The following SLC37A1 variants were observed in gnomAD, a reference collection of about 807,000 sequenced individuals.
The protein encoded by SLC37A1 is glucose-6-phosphate exchanger SLC37A1.
Under a neutral mutation model 75.3 loss-of-function variants are expected in SLC37A1, and 49 were observed. The ratio of observed to expected loss-of-function variants is 0.65; its 90% confidence interval spans 0.52 to 0.83. SLC37A1 has a LOEUF of 0.83. SLC37A1 is among the 40% of genes least tolerant of loss of function. The probability of loss-of-function intolerance (pLI) is 0.00; values close to 1 mark genes in which losing one functional copy is unlikely to be tolerated. For synonymous variants in SLC37A1, 268 were observed against 292.1 expected (o/e 0.92, Z 0.84); for missense variants, 566 against 695.0 (o/e 0.81, Z 2.09).
Position 42,513,956 on chromosome 21 carries a change from G to C in SLC37A1, c.-940G>C, listed in dbSNP as rs1262975007. On this transcript the variant is annotated 5_prime_UTR_variant, in exon 1 of 20. Coordinates refer to ENST00000352133, the MANE Select transcript of SLC37A1 (RefSeq NM_001320537.2). ...CGCGGGGCCGGGGCCGGACCGGGAG[G>C]CGGGGACCCCCCGCCCCCCCGCCCG... The C allele has an allele frequency of 2.1e-5, 3 of 145,906 alleles. No homozygotes were observed. The highest frequency in any genetic ancestry group is 4.6e-5 in the Non-Finnish European group (3 of 65,574). 9.0% of individuals were successfully genotyped at this position (145,906 alleles called of 1,614,324 possible).
At position 42,514,283 on chromosome 21, in the gene SLC37A1, G is replaced by C. The variant is rs957887300; in HGVS notation, c.-613G>C. The C allele has an allele frequency of 1.3e-5, 2 of 151,742 alleles. No individual in the cohort carries two copies. The highest frequency in any genetic ancestry group is 2.9e-5 in the Non-Finnish European group (2 of 67,972). 9.4% of individuals were successfully genotyped at this position (151,742 alleles called of 1,614,324 possible). A position where few individuals can be genotyped will look rare whatever the true frequency, so the allele number is the denominator to read the frequency against. On this transcript the variant is annotated 5_prime_UTR_variant, in exon 1 of 20. Coordinates refer to ENST00000352133, the MANE Select transcript of SLC37A1 (RefSeq NM_001320537.2). This position sits in a 1 kb window ranked among gnomAD's most constrained non-coding sequence, Gnocchi z 4.8. ...CCGGGGAAGTGGAGGCAGAGGGAGCGGGCACGGGGCCGGCAGCCGCTCCAC... is the reference window on the plus strand; with the variant it reads ...CCGGGGAAGTGGAGGCAGAGGGAGCCGGCACGGGGCCGGCAGCCGCTCCAC...
chr21:42,532,379 A>G (rs1400201487), intron 3 of SLC37A1, among the ~76,000 whole-genome samples: 1 of 152,196 alleles, frequency 6.6e-6, no homozygotes, highest in Non-Finnish European at 1.5e-5. Context: ...TTAATGTTAG[A>G]AACTTCAGCT....
rs550742497 is a variant in SLC37A1 at position 42,581,155 on chromosome 21, G to C, written c.*795G>C. 6.6e-6 allele frequency: 1 copy of C among 152,648 alleles called. No individual in the cohort carries two copies. The highest frequency in any genetic ancestry group is 1.5e-5 in the Non-Finnish European group (1 of 68,098). The allele number at this position is 152,648 out of a possible 1,614,324, so 9.5% of individuals were successfully genotyped here. A position where few individuals can be genotyped will look rare whatever the true frequency, so the allele number is the denominator to read the frequency against. On this transcript the variant is annotated 3_prime_UTR_variant, in exon 20 of 20. Coordinates refer to ENST00000352133, the MANE Select transcript of SLC37A1 (RefSeq NM_001320537.2). ...GGGGCACAGCAGAGGTTTGGGAAGC[G>C]GTCTCCCCACCGGCACTGGGATTGG...
chr21:42,564,637 G>A (rs2055925669), intron 13 of SLC37A1, 71 bp from the exon 14 acceptor site: 1 of 1,240,596 alleles, frequency 8.1e-7, no homozygotes, highest in Non-Finnish European at 1.2e-6. Flanking sequence ...CCGAGCTCCT[G>A]CAGTTCTGCT....
chr21:42,533,722 G>C (rs563187246), intron 3 of SLC37A1, among the ~76,000 whole-genome samples: 1 of 152,312 alleles, frequency 6.6e-6, no homozygotes, highest in East Asian at 1.9e-4. Context: ...TGTGCAAAAA[G>C]CCTGGTGTTC....
intron 2 of SLC37A1, among the ~76,000 whole-genome samples, chr21:42,519,943 C>A (rs1014750853): frequency 2.0e-5 from 3 of 151,416 alleles, no homozygotes. Context: ...CTGCTTCTCT[C>A]CCTGCCCCTC....
At position 42,563,887 on chromosome 21, in the gene SLC37A1, T is replaced by TTA; in HGVS notation, c.1135+11_1135+12dup. Reference sequence around the variant, plus strand: ...GTGGGCGGAATCTTTGGTGAGTTCATTAAGACTTGTTCTGCTGCAACAATA... The same window carrying TTA: ...GTGGGCGGAATCTTTGGTGAGTTCATTATAAGACTTGTTCTGCTGCAACAATA... On this transcript the variant is annotated intron_variant, in intron 13 of 19. Coordinates refer to ENST00000352133, the MANE Select transcript of SLC37A1 (RefSeq NM_001320537.2). The TTA allele has an allele frequency of 6.2e-7, 1 of 1,614,164 alleles. No homozygotes were observed. The highest frequency in any genetic ancestry group is 2.2e-5 in the East Asian group (1 of 44,880).
intron 2 of SLC37A1, chr21:42,502,870 C>T (rs2054352961): frequency 6.6e-6 from 1 of 152,138 alleles, no homozygotes; most frequent in Non-Finnish European, 1.5e-5. Context: ...CCAGATGCTC[C>T]AATTATTAAA....
rs1210612863 is a variant in SLC37A1, at chr21:42,545,859, G to A, written c.731-1244G>A. Among the ~76,000 whole-genome samples, 1 of 152,262 alleles carries A rather than the reference G, an allele frequency of 6.6e-6. No homozygotes were observed. The highest frequency in any genetic ancestry group is 2.4e-5 in the African/African-American group (1 of 41,468). On this transcript the variant is annotated intron_variant, in intron 8 of 19. Coordinates refer to ENST00000352133, the MANE Select transcript of SLC37A1 (RefSeq NM_001320537.2). The surrounding 1 kb of genome is among the most constrained non-coding windows in gnomAD (Gnocchi z 4.0). ...CTATGGGCTGTGCCCAGGACAGGAG[G>A]GCGACGCACCCCACAGCCAGCCACG...
chr21:42,578,442 T>C (rs968611511), intron 18 of SLC37A1, among the ~76,000 whole-genome samples: 20 of 152,236 alleles, frequency 1.3e-4, no homozygotes, highest in Non-Finnish European at 2.6e-4. Context: ...TCTCTCTTAA[T>C]GATCAGCTTT....
chr21:42,565,098 C>A (rs2055942731), intron 14 of SLC37A1, among the ~76,000 whole-genome samples: 1 of 152,260 alleles, frequency 6.6e-6, no homozygotes, highest in Admixed American at 6.5e-5. Context: ...CAACACCTCC[C>A]CAACCTCTTA....
chr21:42,562,789 G>A (rs1263373353), intron 12 of SLC37A1, among the ~76,000 whole-genome samples: 9 of 76,166 alleles, frequency 1.2e-4, no homozygotes, highest in African/African-American at 3.8e-4. Context: ...AAGCGGGGAT[G>A]GTCCAGGAGC....
rs1470985490 is a variant in SLC37A1 at position 42,534,940 on chromosome 21, G to A, written c.271+110G>A. The stretch of plus-strand genomic sequence containing the variant: ...TTCCCAGATGTAACTGCATTTCCAT[G>A]ACAGCCCTCTCCTACCAAAAAGCAC... On this transcript the variant is annotated intron_variant, in intron 4 of 19. Coordinates refer to ENST00000352133, the MANE Select transcript of SLC37A1 (RefSeq NM_001320537.2). 6.4e-6 allele frequency: 9 copies of A among 1,402,322 alleles called. No homozygotes were observed. In the East Asian group the frequency reaches 1.3e-4, roughly 20 times the overall value. 86.9% of individuals were successfully genotyped at this position (1,402,322 alleles called of 1,614,324 possible). A position where few individuals can be genotyped will look rare whatever the true frequency, so the allele number is the denominator to read the frequency against.
chr21:42,567,094 C>T, intron 16 of SLC37A1, 36 bp downstream of exon 16: 1 of 1,602,052 alleles, frequency 6.2e-7, no homozygotes. Flanking sequence ...GCCCTGTGGG[C>T]ACCCTGCCAT....
In SLC37A1 at chr21:42,580,412, C is replaced by G. The variant is rs1190064863; in HGVS notation, c.*52C>G. On this transcript the variant is annotated 3_prime_UTR_variant, in exon 20 of 20. Coordinates refer to ENST00000352133, the MANE Select transcript of SLC37A1 (RefSeq NM_001320537.2). ...GTCTGGGCCCACCCTTCACAACTGCCTTTCAAGGACAGTTCAGACAAAGGG... is the reference window on the plus strand; with the variant it reads ...GTCTGGGCCCACCCTTCACAACTGCGTTTCAAGGACAGTTCAGACAAAGGG... 1.3e-6 allele frequency: 2 copies of G among 1,597,564 alleles called. No individual in the cohort carries two copies.
At chr21:42,501,379 A>G (rs2054340038) in intron 1 of SLC37A1, among the ~76,000 whole-genome samples, 1 of 152,056 alleles carries the variant, frequency 6.6e-6, no homozygotes, top group South Asian at 2.1e-4. Context: ...TTACAGACCC[A>G]TTGGGGGGCA....
chr21:42,555,353 G>C (rs547512123), intron 10 of SLC37A1, among the ~76,000 whole-genome samples: 3 of 152,268 alleles, frequency 2.0e-5, no homozygotes, highest in African/African-American at 7.2e-5. Context: ...GACCCCTCCA[G>C]CATGTGTAAG....
At chr21:42,566,286 C>G (rs771586104) in intron 15 of SLC37A1, among the ~76,000 whole-genome samples, 1 of 152,256 alleles carries the variant, frequency 6.6e-6, no homozygotes, top group Admixed American at 6.5e-5. Flanking sequence ...TGGGCCACGT[C>G]AGGTAGCCAG....
upstream of SLC37A1, among the ~76,000 whole-genome samples, chr21:42,512,670 C>T (rs940514375): frequency 6.6e-6 from 1 of 152,366 alleles, no homozygotes; most frequent in East Asian, 1.9e-4. Flanking sequence ...CTGGGCCATC[C>T]CGCTTGCGGA....
Sources: gnomAD v4.1 joint callset for allele counts (sites outside exome capture counted in the v4.1 genomes callset) on GRCh38, gnomAD v4.1.1 for gene constraint, Gnocchi (gnomAD v3.1) non-coding constraint, MANE v1.5 for transcripts, NCBI Gene and HGNC (gene_info 2026-07-23, HGNC 2026-07-21) for gene names.